Variants in TXK observed in about 807,000 individuals in gnomAD.
TXK encodes the protein tyrosine-protein kinase TXK.
TXK carries 60 observed loss-of-function variants against 81.0 expected under a neutral mutation model. The observed-to-expected ratio is 0.74, with a 90% CI of 0.60 to 0.92. TXK has a LOEUF of 0.92. Ranked by LOEUF, TXK falls within the 40% of genes least tolerant of loss-of-function variation. The pLI is 0.00. For missense variants in TXK, 581 were observed against 638.3 expected (o/e 0.91, Z 0.97); for synonymous variants, 203 against 210.7 (o/e 0.96, Z 0.32).
At chr4:48,073,235 A>G (rs977502837) in intron 13 of TXK, among the ~76,000 whole-genome samples, 1 of 151,870 alleles carries the variant, frequency 6.6e-6, no homozygotes, top group Non-Finnish European at 1.5e-5. Flanking sequence ...TTTTAACCTT[A>G]TTGTAGACAA....
chr4:48,098,807 C>A (rs911735420), intron 6 of TXK, among the ~76,000 whole-genome samples: 1 of 152,150 alleles, frequency 6.6e-6, no homozygotes, highest in Non-Finnish European at 1.5e-5. Context: ...ACTGAAAATG[C>A]CTGTAATCCC....
intron 14 of TXK, among the ~76,000 whole-genome samples, chr4:48,070,254 AG>A (rs1396712706): frequency 6.6e-6 from 1 of 152,086 alleles, no homozygotes; most frequent in African/African-American, 2.4e-5. Flanking sequence ...CAGTGCCCAG[AG>A]GTGGAAAAGA....
At chr4:48,079,622 C>T (rs1369907446) in intron 11 of TXK, among the ~76,000 whole-genome samples, 1 of 152,214 alleles carries the variant, frequency 6.6e-6, no homozygotes, top group Non-Finnish European at 1.5e-5. Flanking sequence ...AAACTCCAGT[C>T]TCCTGCACAG....
At chr4:48,083,244 T>G (rs1274324187) in intron 10 of TXK, among the ~76,000 whole-genome samples, 1 of 152,224 alleles carries the variant, frequency 6.6e-6, no homozygotes, top group East Asian at 1.9e-4. Flanking sequence ...CCTGCCCATC[T>G]GCATGCTCCC....
rs1412093822 is a variant in TXK, at chr4:48,076,456, T to A, written c.1184A>T (p.Asn395Ile). 6.2e-7 allele frequency: 1 copy of A among 1,612,058 alleles called. No individual in the cohort carries two copies. The change falls in exon 12 of 15, where the codon AAT (asparagine) becomes ATT (isoleucine). Residue 395 changes from asparagine to isoleucine, a missense_variant. By Grantham distance (149) the Asn-to-Ile change is moderately radical (BLOSUM62 -3). Coordinates refer to ENST00000264316, the MANE Select transcript of TXK (RefSeq NM_003328.3). ...GYIHRDLAAR[N>I]CLVSSTCIVK... ...TATGCATGTTGAACTGACCAAACAA[T>A]TCCTTGCCGCCTATGGAAAGAAGAA...
rs11341305 is a variant in TXK, at chr4:48,100,171, CAAAAAAAA to C, written c.501+4722_501+4729del. Among the ~76,000 whole-genome samples the C allele has an allele frequency of 7.4e-4, 40 of 53,948 alleles. 2 individuals are homozygous for C. The highest frequency in any genetic ancestry group is 2.6e-4 in the African/African-American group (3 of 11,430). The allele number at this position is 53,948 out of a possible 152,430, so 35.4% of individuals were successfully genotyped here. A position where few individuals can be genotyped will look rare whatever the true frequency, so the allele number is the denominator to read the frequency against. The stretch of plus-strand genomic sequence containing the variant: ...TGGGCGACAGAAAGAGACTCCATCT[CAAAAAAAA>C]AAAAAAAAAAAAAAAATGCATAAAA... On this transcript the variant is annotated intron_variant, in intron 6 of 14. Transcript: ENST00000264316.
chr4:48,132,425 T>C (rs186448441), intron 1 of TXK, among the ~76,000 whole-genome samples: 335 of 152,322 alleles, frequency 2.2e-3, no homozygotes, highest in Non-Finnish European at 3.7e-3. Context: ...TTTCTTTATA[T>C]TTTGTTGCAA....
chr4:48,079,962 A>G lies in TXK; in HGVS notation c.1123T>C (p.Cys375Arg). ...CTCTCCAGATATTCCATTCCTTCACATATATCCTGGCATACACTCAGTAGC... is the reference window on the plus strand; with the variant it reads ...CTCTCCAGATATTCCATTCCTTCACGTATATCCTGGCATACACTCAGTAGC... The part of the protein sequence containing the change: ...EMLLSVCQDI[C>R]EGMEYLERNG... Residue 375 changes from cysteine to arginine, a missense_variant, in exon 11 of 15, where the codon TGT (cysteine) becomes CGT (arginine). By Grantham distance (180) the Cys-to-Arg change is radical (BLOSUM62 -3). Coordinates refer to ENST00000264316, the MANE Select transcript of TXK (RefSeq NM_003328.3). 3 of 1,613,902 alleles carry G rather than the reference A, an allele frequency of 1.9e-6. No homozygotes were observed. Among genetic ancestry groups the G allele is most frequent in the Non-Finnish European group, 2.5e-6 (3 of 1,179,934 alleles).
At chr4:48,112,195 G>C in intron 4 of TXK, 112 bp downstream of exon 4, 1 of 981,778 alleles carries the variant, frequency 1.0e-6, no homozygotes, top group East Asian at 2.4e-5. Flanking sequence ...TCCTGGGGGA[G>C]AGGGGACAGA....
At chr4:48,083,791 GAAAT>G (rs1030720815) in intron 10 of TXK, among the ~76,000 whole-genome samples, 56 of 152,282 alleles carry the variant, frequency 3.7e-4, no homozygotes, top group African/African-American at 1.3e-3. Context: ...TAGTGGGAGA[GAAAT>G]AAAACAACTA....
At chr4:48,071,021 T>A (rs1422633823) in intron 14 of TXK, among the ~76,000 whole-genome samples, 1 of 147,390 alleles carries the variant, frequency 6.8e-6, no homozygotes, top group African/African-American at 2.5e-5. Context: ...TGCTTCAGCA[T>A]CCCCAGTAGC....
At chr4:48,124,653 G>C (rs959521701) in intron 1 of TXK, among the ~76,000 whole-genome samples, 1 of 151,992 alleles carries the variant, frequency 6.6e-6, no homozygotes, top group Non-Finnish European at 1.5e-5. Flanking sequence ...CCTTTTGACT[G>C]AGTGGAACGG....
chr4:48,112,609 C>G, intron 3 of TXK, 97 bp from the exon 4 acceptor site: 4 of 1,270,672 alleles, frequency 3.1e-6, no homozygotes, highest in Non-Finnish European at 4.3e-6. Flanking sequence ...CCTCACTTTT[C>G]TTATCCAGCT....
chr4:48,087,064 T>C (rs918126438), intron 9 of TXK, among the ~76,000 whole-genome samples: 2 of 152,126 alleles, frequency 1.3e-5, no homozygotes, highest in Non-Finnish European at 2.9e-5. Context: ...TCTCACTCCA[T>C]TCCTAAAGGG....
chr4:48,074,131 T>A, intron 12 of TXK, 78 bp from the exon 13 acceptor site: 1 of 1,124,192 alleles, frequency 8.9e-7, no homozygotes, highest in Non-Finnish European at 1.3e-6. Flanking sequence ...TAGTTAACTC[T>A]AAGTTGCTAA....
At chr4:48,068,168 C>T (rs1488549570) in intron 14 of TXK, among the ~76,000 whole-genome samples, 1 of 152,140 alleles carries the variant, frequency 6.6e-6, no homozygotes, top group East Asian at 1.9e-4. Context: ...TTCAAGAACC[C>T]AATAGCCAGA....
chr4:48,107,746 A>G (rs1413624040), intron 5 of TXK, among the ~76,000 whole-genome samples: 1 of 151,424 alleles, frequency 6.6e-6, no homozygotes, highest in African/African-American at 2.4e-5. Flanking sequence ...GCTCCAGTGT[A>G]TCATAACACT....
chr4:48,083,161 G>A (rs1159045949), intron 10 of TXK, among the ~76,000 whole-genome samples: 3 of 152,156 alleles, frequency 2.0e-5, no homozygotes, highest in Admixed American at 2.0e-4. Context: ...CTTGGGCTTT[G>A]GGAGTTGCAG....
chr4:48,107,916 A>AC (rs1331690058), intron 5 of TXK, among the ~76,000 whole-genome samples: 1 of 50,442 alleles, frequency 2.0e-5, no homozygotes, highest in African/African-American at 4.8e-5. Context: ...AAAAAAAAAA[A>AC]AAAAAAAAAC....
Sources: gnomAD v4.1 joint callset for allele counts (sites outside exome capture counted in the v4.1 genomes callset) on GRCh38, gnomAD v4.1.1 for gene constraint, MANE v1.5 for transcripts, NCBI Gene and HGNC (gene_info 2026-07-23, HGNC 2026-07-21) for gene names.